The following GTF2IRD1 variants were observed in gnomAD, a reference collection of about 807,000 sequenced individuals.
GTF2IRD1 encodes the protein GTF2I repeat domain containing 1.
A neutral mutation model predicts 113.2 loss-of-function variants in GTF2IRD1; 26 were observed. The ratio of observed to expected loss-of-function variants is 0.23; its 90% CI spans 0.17 to 0.32. The LOEUF is 0.32. Among genes scored for constraint, GTF2IRD1 ranks in the 10% least tolerant of loss-of-function variants. GTF2IRD1 has a pLI of 1.00. For missense variants in GTF2IRD1, 864 were observed against 1,280.8 expected, an observed-to-expected ratio of 0.67 and a Z score of 4.97; for synonymous variants, 484 against 529.1, an observed-to-expected ratio of 0.91 and a Z score of 1.17.
chr7:74,456,805 T>A (rs905673622), intron 1 of GTF2IRD1, among the ~76,000 whole-genome samples: 4 of 152,096 alleles, frequency 2.6e-5, no homozygotes, highest in African/African-American at 9.7e-5. Context: ...GCCTTTCCCC[T>A]GAGGAGGCTG....
At chr7:74,582,529 G>A (rs1583951894) in intron 22 of GTF2IRD1, among the ~76,000 whole-genome samples, 2 of 152,186 alleles carry the variant, frequency 1.3e-5, no homozygotes, top group African/African-American at 4.8e-5. Flanking sequence ...AAAGTGCTGG[G>A]ATGACAGGCA....
At chr7:74,517,427 C>CTTTTTTTT (rs59499031) in intron 4 of GTF2IRD1, among the ~76,000 whole-genome samples, 38 of 77,418 alleles carry the variant, frequency 4.9e-4, no homozygotes, top group African/African-American at 1.7e-3. Context: ...CTCCCTACAC[C>CTTTTTTTT]TTTTTTTTTT....
intron 22 of GTF2IRD1, among the ~76,000 whole-genome samples, chr7:74,581,235 T>C (rs1248505380): frequency 7.2e-5 from 11 of 152,206 alleles, no homozygotes; most frequent in Non-Finnish European, 8.8e-5. Context: ...TTGGCCAGGC[T>C]GGTCTTGAAC....
At chr7:74,501,472 C>T (rs1796027145) in intron 1 of GTF2IRD1, among the ~76,000 whole-genome samples, 1 of 152,152 alleles carries the variant, frequency 6.6e-6, no homozygotes, top group Non-Finnish European at 1.5e-5. Flanking sequence ...AGGGGGCGGT[C>T]CTTGAGCTCT....
chr7:74,587,274 A>G (rs1801766785), intron 22 of GTF2IRD1, among the ~76,000 whole-genome samples: 1 of 151,960 alleles, frequency 6.6e-6, no homozygotes, highest in African/African-American at 2.4e-5. Context: ...GCAAAACCCC[A>G]TCTCTACTAA....
chr7:74,562,479 C>G (rs1390822317), intron 22 of GTF2IRD1, among the ~76,000 whole-genome samples: 1 of 150,854 alleles, frequency 6.6e-6, no homozygotes, highest in Non-Finnish European at 1.5e-5. Context: ...ACACCTGCCT[C>G]ACCATGTGAT....
At chr7:74,533,786 C>T (rs1798116252) in intron 9 of GTF2IRD1, among the ~76,000 whole-genome samples, 2 of 152,216 alleles carry the variant, frequency 1.3e-5, no homozygotes, top group East Asian at 1.9e-4. Context: ...GTAATCCCAG[C>T]GCTCTGGGAG....
At chr7:74,491,519 C>G (rs1415957762) in intron 1 of GTF2IRD1, among the ~76,000 whole-genome samples, 1 of 148,888 alleles carries the variant, frequency 6.7e-6, no homozygotes, top group Non-Finnish European at 1.5e-5. Context: ...TGTTGCCCCC[C>G]TCTCTGTGTC....
intron 22 of GTF2IRD1, among the ~76,000 whole-genome samples, chr7:74,577,700 G>A (rs1447148685): frequency 6.6e-6 from 1 of 151,718 alleles, no homozygotes; most frequent in East Asian, 1.9e-4. Flanking sequence ...TGCCCAGGCA[G>A]GAGTGCAGTG....
chr7:74,530,657 G>A (rs1797914219), intron 9 of GTF2IRD1, among the ~76,000 whole-genome samples: 1 of 147,546 alleles, frequency 6.8e-6, no homozygotes, highest in South Asian at 2.2e-4. Context: ...CCCGACCCAA[G>A]TTTTCCTAAC....
chr7:74,502,379 C>T (rs1461459225), intron 1 of GTF2IRD1, among the ~76,000 whole-genome samples: 2 of 152,256 alleles, frequency 1.3e-5, no homozygotes, highest in African/African-American at 4.8e-5. Context: ...TGGGAACAAC[C>T]TGTAACACCT....
chr7:74,585,871 A>C (rs1554367583), intron 22 of GTF2IRD1, among the ~76,000 whole-genome samples: 1 of 151,478 alleles, frequency 6.6e-6, no homozygotes, highest in Non-Finnish European at 1.5e-5. Flanking sequence ...TGGGTGACAG[A>C]GCAAGACTCT....
At chr7:74,531,086 C>T (rs928783967) in intron 9 of GTF2IRD1, among the ~76,000 whole-genome samples, 18 of 150,302 alleles carry the variant, frequency 1.2e-4, no homozygotes, top group African/African-American at 3.7e-4. Context: ...AAAAAATAGG[C>T]CAGGCATGGT....
chr7:74,567,643 T>C (rs1800401858), intron 22 of GTF2IRD1, among the ~76,000 whole-genome samples: 2 of 152,024 alleles, frequency 1.3e-5, no homozygotes, highest in Admixed American at 1.3e-4. Context: ...ACTTGCCCTT[T>C]CCCCCAACTC....
At chr7:74,551,985 T>C (rs1799335965) in intron 17 of GTF2IRD1, among the ~76,000 whole-genome samples, 2 of 152,066 alleles carry the variant, frequency 1.3e-5, no homozygotes, top group Non-Finnish European at 1.5e-5. Context: ...GAAAAAGTCA[T>C]GCAAAGTCCC....
chr7:74,518,248 G>C lies in GTF2IRD1; in HGVS notation c.531G>C (p.Arg177Ser). Reference sequence around the variant, plus strand: ...TGCCCGAAGGCCTGGCCTTCCGAAGGCCAGCCGAGTATGACCCCAAGGCCC... The same window carrying C: ...TGCCCGAAGGCCTGGCCTTCCGAAGCCCAGCCGAGTATGACCCCAAGGCCC... ...QGLPEGLAFRRPAEYDPKALM... is the reference protein window; with the variant it reads ...QGLPEGLAFRSPAEYDPKALM... The change falls in exon 5 of 27, where the codon AGG (arginine) becomes AGC (serine). Residue 177 changes from arginine (R) to serine (S), a missense_variant. By Grantham distance (110) the Arg-to-Ser change is moderately radical. This residue lies in a region of GTF2IRD1 where 182 missense variants were observed against 266.6 expected (regional missense o/e 0.68). Coordinates refer to ENST00000424337, the MANE Select transcript of GTF2IRD1 (RefSeq NM_005685.4). The C allele has an allele frequency of 1.2e-6, 2 of 1,612,090 alleles. No homozygotes were observed. The highest frequency in any genetic ancestry group is 1.7e-6 in the Non-Finnish European group (2 of 1,179,412).
intron 22 of GTF2IRD1, among the ~76,000 whole-genome samples, chr7:74,560,509 A>T (rs1799884657): frequency 6.8e-6 from 1 of 147,230 alleles, no homozygotes; most frequent in South Asian, 2.1e-4. Context: ...ATTATATATA[A>T]TTAAAAATAT....
intron 1 of GTF2IRD1, among the ~76,000 whole-genome samples, chr7:74,479,876 C>T (rs933301638): frequency 6.6e-6 from 1 of 151,610 alleles, no homozygotes; most frequent in Non-Finnish European, 1.5e-5. Flanking sequence ...TCTCAGCCTC[C>T]TGAGTGGCTT....
chr7:74,492,441 A>AT (rs1795417662), intron 1 of GTF2IRD1, among the ~76,000 whole-genome samples: 1 of 152,020 alleles, frequency 6.6e-6, no homozygotes, highest in South Asian at 2.1e-4. Context: ...AAGTGCTGGG[A>AT]TTACTGGTGT....
Sources: allele counts gnomAD v4.1 joint callset (sites outside exome capture counted in the v4.1 genomes callset), GRCh38; gene constraint gnomAD v4.1.1; regional missense constraint gnomAD v4.1.1; transcripts MANE v1.5; gene names NCBI Gene and HGNC (gene_info 2026-07-23, HGNC 2026-07-21).